The following UPRT variants were observed in gnomAD, a reference collection of about 807,000 sequenced individuals.
UPRT encodes the protein uracil phosphoribosyltransferase homolog.
A neutral mutation model predicts 22.6 loss-of-function variants in UPRT; 5 were observed. The observed-to-expected ratio is 0.22, with a 90% CI of 0.12 to 0.47. The LOEUF (loss-of-function observed/expected upper bound fraction) is 0.47. Among genes scored for constraint, UPRT ranks in the 20% least tolerant of loss-of-function variants. UPRT has a pLI of 0.99. For missense variants in UPRT, 181 were observed against 239.9 expected (o/e 0.75, Z 1.62); for synonymous variants, 77 against 87.7 (o/e 0.88, Z 0.68).
intron 4 of UPRT, among the ~76,000 whole-genome samples, chrX:75,251,454 C>T (rs1462720740): frequency 2.7e-5 from 3 of 111,260 alleles, no homozygotes; most frequent in Admixed American, 9.6e-5. Context: ...AGTGAACTCC[C>T]ATTCACAATT....
intron 4 of UPRT, among the ~76,000 whole-genome samples, chrX:75,182,298 A>C (rs1374090672): frequency 2.7e-5 from 3 of 111,871 alleles, no homozygotes; most frequent in Admixed American, 9.5e-5. Flanking sequence ...TTCATCAGGA[A>C]TATTGGTCTG....
At chrX:75,290,226 A>G (rs1426771216) in intron 1 of UPRT, among the ~76,000 whole-genome samples, 1 of 112,311 alleles carries the variant, frequency 8.9e-6, no homozygotes, top group Non-Finnish European at 1.9e-5. Context: ...TAATCATCAG[A>G]TAAATGCAAA....
intron 4 of UPRT, among the ~76,000 whole-genome samples, chrX:75,251,417 AAC>A (rs1191556329): frequency 9.0e-6 from 1 of 111,379 alleles, no homozygotes; most frequent in Non-Finnish European, 1.9e-5. Flanking sequence ...ATACACCAAT[AAC>A]AGACAAACAG....
chrX:75,190,774 T>A, intron 4 of UPRT, among the ~76,000 whole-genome samples: 1 of 112,368 alleles, frequency 8.9e-6, no homozygotes, highest in Non-Finnish European at 1.9e-5. Flanking sequence ...TTGAATTGGT[T>A]ACTGAAGCTT....
At chrX:75,293,732 G>A (rs773242386) in intron 2 of UPRT, among the ~76,000 whole-genome samples, 15 of 111,170 alleles carry the variant, frequency 1.3e-4, no homozygotes, top group Non-Finnish European at 2.6e-4. Flanking sequence ...CTAATTCCCT[G>A]TATTTCTGAG....
chrX:75,236,187 TC>T (rs1227264912), intron 4 of UPRT, among the ~76,000 whole-genome samples: 2 of 111,207 alleles, frequency 1.8e-5, no homozygotes, highest in African/African-American at 6.6e-5. Flanking sequence ...ATGATTGAAC[TC>T]CCATTCACAA....
At chrX:75,274,054 G>T (rs1258956984), upstream of UPRT, 2 of 478,622 alleles carry the variant, frequency 4.2e-6, no homozygotes, top group Non-Finnish European at 6.6e-6. Context: ...GTCTAGGCAG[G>T]CAGTACGTCT....
chrX:75,213,978 TTTAA>T (rs1452287531), intron 4 of UPRT, among the ~76,000 whole-genome samples: 1 of 112,175 alleles, frequency 8.9e-6, no homozygotes, highest in Non-Finnish European at 1.9e-5. Context: ...ATCAAATAGA[TTTAA>T]TTAACACCAA....
intron 4 of UPRT, among the ~76,000 whole-genome samples, chrX:75,210,534 G>A (rs960145632): frequency 9.2e-6 from 1 of 108,446 alleles, no homozygotes; most frequent in Non-Finnish European, 1.9e-5. Context: ...GCCTTTGGAT[G>A]TGTGCCTGGT....
At chrX:75,183,761 C>G (rs1424732273) in intron 4 of UPRT, among the ~76,000 whole-genome samples, 1 of 112,338 alleles carries the variant, frequency 8.9e-6, no homozygotes, top group African/African-American at 3.2e-5. Flanking sequence ...ATTTGCATTT[C>G]TCTGATGACC....
chrX:75,258,018 C>A (rs1374761963), intron 4 of UPRT, among the ~76,000 whole-genome samples: 1 of 109,751 alleles, frequency 9.1e-6, no homozygotes, highest in Admixed American at 9.7e-5. Context: ...CAAGCGAAGC[C>A]ATGGAGGACT....
chrX:75,204,658 T>C (rs971255400), intron 4 of UPRT, among the ~76,000 whole-genome samples: 3 of 112,081 alleles, frequency 2.7e-5, no homozygotes, highest in Admixed American at 9.5e-5. Flanking sequence ...AATGGATTTT[T>C]GTTAACTAAT....
chrX:75,297,469 C>A (rs773662514), intron 3 of UPRT, 22 bp from the exon 4 acceptor site: 3 of 1,201,202 alleles, frequency 2.5e-6, no homozygotes, highest in African/African-American at 3.5e-5. Flanking sequence ...AAGATAAATT[C>A]TTTGGTTTTA....
chrX:75,209,546 T>G (rs1278932653), intron 4 of UPRT, among the ~76,000 whole-genome samples: 1 of 111,968 alleles, frequency 8.9e-6, no homozygotes, highest in African/African-American at 3.2e-5. Context: ...CTAATTTTTG[T>G]ATTTTTATTA....
intron 4 of UPRT, among the ~76,000 whole-genome samples, chrX:75,179,264 A>G (rs900245275): frequency 1.8e-5 from 2 of 108,290 alleles, no homozygotes; most frequent in African/African-American, 6.8e-5. Flanking sequence ...TGATTGGTGT[A>G]TTTACAATCC....
At chrX:75,184,815 G>T (rs1183301783) in intron 4 of UPRT, among the ~76,000 whole-genome samples, 1 of 110,855 alleles carries the variant, frequency 9.0e-6, no homozygotes, top group East Asian at 2.8e-4. Flanking sequence ...TCATGATTTG[G>T]CTCTCTGTCT....
chrX:75,157,020 G>C (rs2082183234), intron 1 of UPRT, among the ~76,000 whole-genome samples: 1 of 111,480 alleles, frequency 9.0e-6, no homozygotes, highest in South Asian at 3.8e-4. Context: ...AAATCGCTTA[G>C]GTTGGCTGAA....
intron 4 of UPRT, among the ~76,000 whole-genome samples, chrX:75,234,622 A>T (rs767914743): frequency 3.0e-3 from 339 of 111,988 alleles, no homozygotes; most frequent in Non-Finnish European, 4.3e-3. Context: ...GGAACTCAGG[A>T]TTAAGAAACT....
chrX:75,225,311 C>CA (rs1222242939), intron 4 of UPRT, among the ~76,000 whole-genome samples: 8 of 86,169 alleles, frequency 9.3e-5, no homozygotes, highest in Admixed American at 1.5e-4. Flanking sequence ...AAAACAAAAC[C>CA]AAAACCAAAA....
Sources: allele counts gnomAD v4.1 joint callset (sites outside exome capture counted in the v4.1 genomes callset), GRCh38; gene constraint gnomAD v4.1.1; transcripts MANE v1.5; gene names NCBI Gene and HGNC (gene_info 2026-07-23, HGNC 2026-07-21).